WDR49: variants seen among roughly 807,000 people sequenced by gnomAD.
The protein encoded by WDR49 is cilia- and flagella-associated protein 337.
WDR49 carries 107 observed loss-of-function variants against 119.5 expected under a neutral mutation model. The observed-to-expected ratio is 0.90, with a 90% CI of 0.77 to 1.05. The LOEUF (loss-of-function observed/expected upper bound fraction) is 1.05. WDR49 is among the 50% of genes least tolerant of loss of function. The pLI, the probability that WDR49 is intolerant of heterozygous loss-of-function variation, is 0.00. For synonymous variants in WDR49, 425 were observed against 418.8 expected (o/e 1.01, Z -0.18); for missense variants, 1,240 against 1,220.5 (o/e 1.02, Z -0.24).
At position 167,620,427 on chromosome 3, in the gene WDR49, A is replaced by G; in HGVS notation, c.958+2T>C. On this transcript the variant is annotated splice_donor_variant, in intron 5 of 18. Coordinates refer to ENST00000682715, the MANE Select transcript of WDR49 (RefSeq NM_001366157.1). LOFTEE classifies it high-confidence loss of function. ...ACTTTCATTACTGTTCAAATTCAATACCTTGCCTGACCCAATCTCCTTGAT... is the reference window on the plus strand; with the variant it reads ...ACTTTCATTACTGTTCAAATTCAATGCCTTGCCTGACCCAATCTCCTTGAT... 1 of 1,534,568 alleles carries G rather than the reference A, an allele frequency of 6.5e-7. No homozygotes were observed. The highest frequency in any genetic ancestry group is 1.2e-5 in the South Asian group (1 of 83,780).
Position 167,500,095 on chromosome 3 carries a change from T to C in WDR49, c.3031+58A>G, listed in dbSNP as rs1163528993. The C allele has an allele frequency of 3.4e-6, 5 of 1,472,250 alleles. No individual in the cohort carries two copies. In the Admixed American group the frequency reaches 1.3e-4, roughly 39 times the overall value. 91.2% of individuals were successfully genotyped at this position (1,472,250 alleles called of 1,614,324 possible). On this transcript the variant is annotated intron_variant, in intron 18 of 18. Transcript: ENST00000682715. ...TTTTCATGCTCTTCTACTCTATTTT[T>C]AAATGACTAAGTTTCCTGAAGAGGG...
At chr3:167,655,209 T>C (rs1397780639), upstream of WDR49, among the ~76,000 whole-genome samples, 1 of 152,116 alleles carries the variant, frequency 6.6e-6, no homozygotes, top group Non-Finnish European at 1.5e-5. Flanking sequence ...TCAGATCTCA[T>C]GAGACTTATT....
intron 11 of WDR49, among the ~76,000 whole-genome samples, chr3:167,534,907 A>G (rs1752970219): frequency 6.6e-6 from 1 of 152,188 alleles, no homozygotes; most frequent in South Asian, 2.1e-4. Context: ...CACATTATGA[A>G]ACATCTAAGT....
At chr3:167,557,752 C>CAAAAA (rs547560541) in intron 9 of WDR49, among the ~76,000 whole-genome samples, 30,130 of 104,882 alleles carry the variant, frequency 0.29, 3,647 homozygotes, top group Non-Finnish European at 0.36. Flanking sequence ...GACTCCGTCT[C>CAAAAA]AAAAAAAAAA....
chr3:167,596,237 T>C (rs998024392), intron 7 of WDR49, among the ~76,000 whole-genome samples: 4 of 151,588 alleles, frequency 2.6e-5, no homozygotes, highest in Non-Finnish European at 5.9e-5. Context: ...CTGGAGAGGA[T>C]GTGGAGAAAT....
intron 17 of WDR49, among the ~76,000 whole-genome samples, chr3:167,504,215 G>A (rs2108212880): frequency 6.6e-6 from 1 of 152,214 alleles, no homozygotes. Flanking sequence ...AGATTCACTG[G>A]CAGCTTGCAT....
chr3:167,605,103 TACACAC>T (rs147965737), intron 5 of WDR49, among the ~76,000 whole-genome samples: 13 of 147,156 alleles, frequency 8.8e-5, no homozygotes, highest in Non-Finnish European at 1.5e-4. Flanking sequence ...TGTATATATA[TACACAC>T]ACACACACAC....
chr3:167,641,888 CCA>C (rs1471967689), intron 2 of WDR49, among the ~76,000 whole-genome samples: 1 of 150,692 alleles, frequency 6.6e-6, no homozygotes, highest in Non-Finnish European at 1.5e-5. Context: ...AATTAAAATG[CCA>C]CAGAGAATAA....
intron 7 of WDR49, among the ~76,000 whole-genome samples, chr3:167,590,235 C>T (rs551986929): frequency 1.6e-4 from 25 of 152,220 alleles, no homozygotes; most frequent in African/African-American, 6.0e-4. Context: ...ACCATTCTTG[C>T]AACCTTGGGA....
rs928532909 is a variant in WDR49, at chr3:167,653,283, A to T, written c.143T>A (p.Val48Glu). Residue 48 changes from valine (V) to glutamate (E), a missense_variant, in exon 2 of 19, where the codon GTA becomes GAA. Transcript: ENST00000682715. Reference protein sequence around the residue: ...LENQLSVGDFVKIQKAFESPQ... With the variant: ...LENQLSVGDFEKIQKAFESPQ... ...TACCTCAAAGGCCTTCTGTATTTTT[A>T]CAAAGTCACCCACGCTGAGTTGGTT... is the stretch of plus-strand genomic sequence containing the variant. The T allele has an allele frequency of 6.5e-7, 1 of 1,536,150 alleles. No homozygotes were observed. Among genetic ancestry groups the T allele is most frequent in the African/African-American group, 1.4e-5 (1 of 73,140 alleles).
intron 10 of WDR49, among the ~76,000 whole-genome samples, chr3:167,539,431 T>C (rs938128896): frequency 3.3e-5 from 5 of 152,032 alleles, no homozygotes; most frequent in Admixed American, 2.6e-4. Flanking sequence ...ACACACCAAC[T>C]CTCTAAGGCC....
Position 167,532,943 on chromosome 3 carries a change from A to G in WDR49, c.1989T>C (p.Asn663=), listed in dbSNP as rs952525714. 11 of 1,609,082 alleles carry G rather than the reference A, an allele frequency of 6.8e-6. No individual in the cohort carries two copies. Among genetic ancestry groups the G allele is most frequent in the Middle Eastern group, 1.7e-4 (1 of 6,038 alleles). The change falls in exon 12 of 19, where the codon AAT becomes AAC. Residue 663 remains asparagine, a synonymous_variant. Coordinates refer to ENST00000682715, the MANE Select transcript of WDR49 (RefSeq NM_001366157.1). Reference sequence around the variant, plus strand: ...GAACATGGTGAGCATTCTCTGTGCTATTGTTCCATAGAACAATTTCTCCAT... The same window carrying G: ...GAACATGGTGAGCATTCTCTGTGCTGTTGTTCCATAGAACAATTTCTCCAT... ...SYDGEIVLWN[N]STENAHHVLH...
intron 7 of WDR49, among the ~76,000 whole-genome samples, chr3:167,588,733 C>CT (rs1210059834): frequency 6.6e-6 from 1 of 151,880 alleles, no homozygotes; most frequent in African/African-American, 2.4e-5. Flanking sequence ...TGCCATTTGT[C>CT]TTTTTTTGAG....
chr3:167,600,033 T>C (rs369802728), intron 7 of WDR49, among the ~76,000 whole-genome samples: 3 of 152,094 alleles, frequency 2.0e-5, no homozygotes, highest in African/African-American at 7.2e-5. Context: ...AAATGTTATC[T>C]GGGAGCTAGG....
chr3:167,636,699 G>A (rs1253230320), intron 2 of WDR49, among the ~76,000 whole-genome samples: 2 of 151,628 alleles, frequency 1.3e-5, no homozygotes, highest in African/African-American at 4.8e-5. Context: ...CAGGAGTAAG[G>A]TGGTATCACA....
chr3:167,620,671 T>C, intron 4 of WDR49, 68 bp from the exon 5 acceptor site: 1 of 1,418,100 alleles, frequency 7.1e-7, no homozygotes, highest in Admixed American at 2.6e-5. Flanking sequence ...TTCTAGGTTA[T>C]TTTAGTTTAA....
At chr3:167,632,495 CTTG>C (rs927954768) in intron 2 of WDR49, among the ~76,000 whole-genome samples, 26 of 151,928 alleles carry the variant, frequency 1.7e-4, no homozygotes, top group Non-Finnish European at 1.5e-4. Context: ...CACCCATTAG[CTTG>C]TTAAGTTTGA....
chr3:167,569,069 G>C (rs1184376514), intron 8 of WDR49, among the ~76,000 whole-genome samples: 1 of 151,960 alleles, frequency 6.6e-6, no homozygotes, highest in Non-Finnish European at 1.5e-5. Context: ...CGCCTCCTGA[G>C]TAGCTGGGAT....
At chr3:167,579,784 G>A (rs1026977944) in intron 7 of WDR49, among the ~76,000 whole-genome samples, 1 of 151,942 alleles carries the variant, frequency 6.6e-6, no homozygotes, top group Non-Finnish European at 1.5e-5. Flanking sequence ...GAATGTTACA[G>A]TTATAAAATT....
Sources: allele counts gnomAD v4.1 joint callset (sites outside exome capture counted in the v4.1 genomes callset), GRCh38; gene constraint gnomAD v4.1.1; transcripts MANE v1.5; gene names NCBI Gene and HGNC (gene_info 2026-07-23, HGNC 2026-07-21).